The following VPS41 variants were observed in gnomAD, a reference collection of about 807,000 sequenced individuals.
VPS41 encodes the protein VPS41 subunit of HOPS complex, also known as vacuolar protein sorting-associated protein 41 homolog.
In VPS41, 85 loss-of-function variants were observed where a neutral mutation model predicts 130.9. The observed-to-expected ratio is 0.65, with a 90% CI of 0.55 to 0.78. The LOEUF (loss-of-function observed/expected upper bound fraction) is 0.78. VPS41 is among the 30% of genes least tolerant of loss of function. The pLI is 0.00. For synonymous variants in VPS41, 335 were observed against 332.9 expected (o/e 1.01, Z -0.07); for missense variants, 874 against 1,018.7 (o/e 0.86, Z 1.93).
rs1795532805 is a variant in VPS41, at chr7:38,726,031, T to C, written c.*215A>G. The C allele has an allele frequency of 3.8e-6, 2 of 524,636 alleles. No individual in the cohort carries two copies. The highest frequency in any genetic ancestry group is 6.7e-6 in the Non-Finnish European group (2 of 296,584). The allele number at this position is 524,636 out of a possible 1,614,324, so 32.5% of individuals were successfully genotyped here. On this transcript the variant is annotated 3_prime_UTR_variant, in exon 29 of 29. Transcript: ENST00000310301. ...CAAATAAATAACAAAATATTCACTA[T>C]GGACCCCAAAATTTCAAGGCATGAA... is the stretch of plus-strand genomic sequence containing the variant.
intron 3 of VPS41, among the ~76,000 whole-genome samples, chr7:38,867,283 C>T (rs990735728): frequency 2.0e-5 from 3 of 151,902 alleles, no homozygotes; most frequent in South Asian, 2.1e-4. Context: ...TGGTGGCTCA[C>T]GCCTGTAATC....
intron 28 of VPS41, 130 bp from the exon 29 acceptor site, chr7:38,726,456 A>T: frequency 1.5e-6 from 1 of 686,922 alleles, no homozygotes; most frequent in Non-Finnish European, 2.5e-6. Flanking sequence ...CTTTCTCTGG[A>T]GTTTATTTCT....
intron 24 of VPS41, 30 bp from the exon 25 acceptor site, chr7:38,742,151 T>A: frequency 1.9e-6 from 3 of 1,569,600 alleles, no homozygotes; most frequent in Non-Finnish European, 2.6e-6. Context: ...ACAATGAACA[T>A]ATAAGCAACA....
chr7:38,792,118 A>G (rs900273483), intron 9 of VPS41, among the ~76,000 whole-genome samples: 2 of 152,196 alleles, frequency 1.3e-5, no homozygotes, highest in African/African-American at 4.8e-5. Context: ...CACTACTGGT[A>G]GCTGGGCATG....
intron 4 of VPS41, among the ~76,000 whole-genome samples, chr7:38,855,376 C>A (rs1388517634): frequency 2.0e-5 from 3 of 152,120 alleles, no homozygotes; most frequent in Admixed American, 2.0e-4. Flanking sequence ...ATCCTCCAGA[C>A]ACTCATACAT....
chr7:38,743,283 A>T, intron 24 of VPS41, 119 bp downstream of exon 24: 2 of 1,123,810 alleles, frequency 1.8e-6, no homozygotes, highest in Non-Finnish European at 2.5e-6. Flanking sequence ...GCCTATTTTT[A>T]TTGTAGGTAC....
intron 18 of VPS41, among the ~76,000 whole-genome samples, chr7:38,757,841 G>A (rs768978738): frequency 6.6e-6 from 1 of 152,048 alleles, no homozygotes. Flanking sequence ...TAAGCGTCTC[G>A]CACAAAGCCT....
In VPS41 at chr7:38,765,770, CTT is replaced by C. The variant is rs879243162; in HGVS notation, c.1248-111_1248-110del. ...TCCCCAGAGGTTTAGAGAAATCTCTCTTCTCAGAGTTTTGATGAATTTCTATC... is the reference window on the plus strand; with the variant it reads ...TCCCCAGAGGTTTAGAGAAATCTCTCCTCAGAGTTTTGATGAATTTCTATC... On this transcript the variant is annotated intron_variant, in intron 15 of 28. Coordinates refer to ENST00000310301, the MANE Select transcript of VPS41 (RefSeq NM_014396.4). 68 of 659,430 alleles carry C rather than the reference CTT, an allele frequency of 1.0e-4. 1 individual carries two copies. The South Asian group carries it at 1.4e-3, about 13-fold the overall frequency. The allele number at this position is 659,430 out of a possible 1,614,324, so 40.8% of individuals were successfully genotyped here.
intron 7 of VPS41, among the ~76,000 whole-genome samples, chr7:38,809,721 G>A (rs1232196375): frequency 6.6e-6 from 1 of 151,994 alleles, no homozygotes; most frequent in Non-Finnish European, 1.5e-5. Flanking sequence ...CTGCGGCCAG[G>A]TCCCCTCATT....
chr7:38,850,638 G>A (rs1785834562), intron 4 of VPS41, among the ~76,000 whole-genome samples: 2 of 152,162 alleles, frequency 1.3e-5, no homozygotes, highest in South Asian at 4.1e-4. Flanking sequence ...ATTTGACTTG[G>A]TAGCGACTTA....
At chr7:38,752,615 G>A (rs1383111712) in intron 21 of VPS41, among the ~76,000 whole-genome samples, 3 of 152,270 alleles carry the variant, frequency 2.0e-5, no homozygotes, top group Admixed American at 1.3e-4. Context: ...GAGTTACTGT[G>A]ACAATTAAAC....
chr7:38,802,153 T>C (rs942454875), intron 7 of VPS41, among the ~76,000 whole-genome samples: 2 of 152,210 alleles, frequency 1.3e-5, no homozygotes, highest in African/African-American at 4.8e-5. Context: ...AGCCTTCCTC[T>C]ATTAGGTTTA....
rs1189500330 is a variant in VPS41 at position 38,724,585 on chromosome 7, A to ATT, written c.*1659_*1660dup. ...CATTTCCTTTGAACTTGGCCCTATG[A>ATT]TTTCTTTTCTTTTCTTTTCTTTTTT... is the stretch of plus-strand genomic sequence containing the variant. On this transcript the variant is annotated 3_prime_UTR_variant, in exon 29 of 29. Coordinates refer to ENST00000310301, the MANE Select transcript of VPS41 (RefSeq NM_014396.4). The ATT allele has an allele frequency of 7.0e-6, 1 of 142,472 alleles. No homozygotes were observed. The highest frequency in any genetic ancestry group is 1.5e-5 in the Non-Finnish European group (1 of 67,864). The allele number at this position is 142,472 out of a possible 1,614,324, so 8.8% of individuals were successfully genotyped here.
At chr7:38,764,096 A>G (rs976360418) in intron 16 of VPS41, among the ~76,000 whole-genome samples, 4 of 152,228 alleles carry the variant, frequency 2.6e-5, no homozygotes, top group African/African-American at 9.6e-5. Flanking sequence ...CAGACAGAGA[A>G]GGTCACCATC....
At chr7:38,850,865 A>G (rs1398031525) in intron 4 of VPS41, among the ~76,000 whole-genome samples, 1 of 152,232 alleles carries the variant, frequency 6.6e-6, no homozygotes, top group Non-Finnish European at 1.5e-5. Flanking sequence ...TCTAAGTGGC[A>G]ATGAATTTTC....
chr7:38,788,106 A>G (rs2115935517), intron 10 of VPS41, among the ~76,000 whole-genome samples: 1 of 152,318 alleles, frequency 6.6e-6, no homozygotes, highest in Middle Eastern at 3.4e-3. Flanking sequence ...CTGTGTGCCA[A>G]GTACCATGTT....
chr7:38,813,013 T>G (rs1337543392), intron 7 of VPS41, among the ~76,000 whole-genome samples: 1 of 152,186 alleles, frequency 6.6e-6, no homozygotes, highest in East Asian at 1.9e-4. Context: ...ACTATATGAT[T>G]CAACAATTCC....
intron 5 of VPS41, among the ~76,000 whole-genome samples, chr7:38,826,538 T>G (rs1360939680): frequency 6.6e-6 from 1 of 152,184 alleles, no homozygotes; most frequent in Non-Finnish European, 1.5e-5. Context: ...ATTATAATAA[T>G]AGCTCACAAT....
At chr7:38,897,513 C>T (rs539154886) in intron 2 of VPS41, among the ~76,000 whole-genome samples, 26 of 151,602 alleles carry the variant, frequency 1.7e-4, no homozygotes, top group Non-Finnish European at 3.1e-4. Flanking sequence ...GGCGTGGCGG[C>T]GGGCGCCTGT....
Sources: gnomAD v4.1 joint callset for allele counts (sites outside exome capture counted in the v4.1 genomes callset) on GRCh38, gnomAD v4.1.1 for gene constraint, MANE v1.5 for transcripts, NCBI Gene and HGNC (gene_info 2026-07-23, HGNC 2026-07-21) for gene names.